FLYWCH1: variants seen among roughly 807,000 people sequenced by gnomAD.
FLYWCH1 encodes the protein FLYWCH-type zinc finger-containing protein 1.
FLYWCH1 carries 75 observed loss-of-function variants against 66.4 expected under a neutral mutation model. That is an observed-to-expected ratio of 1.13 (90% CI 0.94 to 1.37). The LOEUF is 1.37. FLYWCH1 is among the 40% of genes most tolerant of loss of function. FLYWCH1 has a pLI of 0.00. For synonymous variants in FLYWCH1, 595 were observed against 429.9 expected (o/e 1.38, Z -4.75); for missense variants, 1,334 against 1,001.8 (o/e 1.33, Z -4.48).
At chr16:2,931,306 A>T (rs1425225190) in intron 4 of FLYWCH1, among the ~76,000 whole-genome samples, 1 of 26,430 alleles carries the variant, frequency 3.8e-5, no homozygotes, top group Non-Finnish European at 7.6e-5. Flanking sequence ...CCATCTCAGT[A>T]AAAAAAAAAA....
intron 9 of FLYWCH1, 71 bp from the exon 10 acceptor site, chr16:2,948,617 T>C (rs997045285): frequency 2.6e-6 from 4 of 1,513,180 alleles, no homozygotes; most frequent in African/African-American, 2.7e-5. Flanking sequence ...CCAGGAATCC[T>C]GAACTTTCTG....
chr16:2,933,245 C>A lies in FLYWCH1; in HGVS notation c.912C>A (p.Cys304Ter). Reference protein sequence around the residue: ...KAVGDKVYWTCRDHALHGCRS... With the variant: ...KAVGDKVYWT ...TCGGGGACAAGGTGTATTGGACCTG[C>A]CGGGACCACGCGCTGCACGGCTGCC... Residue 304 changes from cysteine to a stop codon, truncating the protein, a stop_gained, in exon 5 of 10, where the codon TGC becomes TGA. Coordinates refer to ENST00000253928, the MANE Select transcript of FLYWCH1 (RefSeq NM_001308068.2). LOFTEE classifies it high-confidence loss of function. 1 of 1,613,538 alleles carries A rather than the reference C, an allele frequency of 6.2e-7. No homozygotes were observed. The highest frequency in any genetic ancestry group is 8.5e-7 in the Non-Finnish European group (1 of 1,179,806).
intron 9 of FLYWCH1, among the ~76,000 whole-genome samples, chr16:2,946,510 A>G (rs2071493364): frequency 6.6e-6 from 1 of 151,570 alleles, no homozygotes; most frequent in Admixed American, 6.6e-5. Flanking sequence ...TTTAGTAGAG[A>G]TGGGGTTTCA....
chr16:2,917,639 C>G (rs1171455433), intron 2 of FLYWCH1, among the ~76,000 whole-genome samples: 4 of 152,180 alleles, frequency 2.6e-5, no homozygotes, highest in East Asian at 3.9e-4. Flanking sequence ...CAAAGCAAAC[C>G]TCAGGTGTTG....
In FLYWCH1 at chr16:2,923,093, T is replaced by C. The variant is rs1596360687; in HGVS notation, c.-73-6520T>C. The stretch of plus-strand genomic sequence containing the variant: ...TCTATTTTTTTTATAGTTTGTTTTG[T>C]GTGTGTGGCTGTTGTGAGGTTCTTT... On this transcript the variant is annotated intron_variant, in intron 2 of 9. Coordinates refer to ENST00000253928, the MANE Select transcript of FLYWCH1 (RefSeq NM_001308068.2). 2.2e-5 allele frequency: 9 copies of C among 414,632 alleles called. No individual in the cohort carries two copies. The East Asian group carries it at 5.5e-4, about 25-fold the overall frequency. The allele number at this position is 414,632 out of a possible 1,614,324, so 25.7% of individuals were successfully genotyped here. A position where few individuals can be genotyped will look rare whatever the true frequency, so the allele number is the denominator to read the frequency against.
chr16:2,945,632 CAAAA>C (rs34393477), intron 9 of FLYWCH1, among the ~76,000 whole-genome samples: 4 of 112,216 alleles, frequency 3.6e-5, no homozygotes, highest in African/African-American at 3.0e-5. Flanking sequence ...GACTACATCT[CAAAA>C]AAAAAAAAAA....
chr16:2,946,790 G>C (rs1481660213), intron 9 of FLYWCH1, among the ~76,000 whole-genome samples: 1 of 152,228 alleles, frequency 6.6e-6, no homozygotes, highest in East Asian at 1.9e-4. Context: ...TGCAAATCAA[G>C]ACCACTGTGA....
At chr16:2,921,180 C>A (rs2070362024) in intron 2 of FLYWCH1, among the ~76,000 whole-genome samples, 1 of 152,174 alleles carries the variant, frequency 6.6e-6, no homozygotes, top group Middle Eastern at 3.2e-3. Flanking sequence ...ATATAATTTA[C>A]ATAATACCAT....
In FLYWCH1 at chr16:2,937,149, G is replaced by C. The variant is rs539931241; in HGVS notation, c.1542G>C (p.Leu514=). 15 of 1,139,530 alleles carry C rather than the reference G, an allele frequency of 1.3e-5. No individual in the cohort carries two copies. In the Admixed American group the frequency reaches 2.8e-4, roughly 21 times the overall value. The allele number at this position is 1,139,530 out of a possible 1,614,324, so 70.6% of individuals were successfully genotyped here. ...PGGPEFLKTP[L]GGSFLVYESF... ...GCCCCGAGTTCCTGAAGACGCCCCT[G>C]GGGGGCAGCTTCCTGGTGTACGAGT... The change falls in exon 7 of 10, where the codon CTG becomes CTC. Residue 514 remains leucine, a synonymous_variant. Coordinates refer to ENST00000253928, the MANE Select transcript of FLYWCH1 (RefSeq NM_001308068.2).
At chr16:2,941,995 C>CAAAAAAAA (rs748281347) in intron 9 of FLYWCH1, among the ~76,000 whole-genome samples, 1 of 33,604 alleles carries the variant, frequency 3.0e-5, no homozygotes, top group African/African-American at 7.6e-5. Flanking sequence ...AGACTCATCT[C>CAAAAAAAA]AAAAAAAAAA....
intron 8 of FLYWCH1, chr16:2,939,571 G>C (rs990012049): frequency 6.8e-6 from 1 of 146,676 alleles, no homozygotes; most frequent in African/African-American, 2.4e-5. Flanking sequence ...AAATCAGCTG[G>C]GCACAGTGGT....
intron 9 of FLYWCH1, among the ~76,000 whole-genome samples, chr16:2,942,977 C>T (rs2071335170): frequency 6.6e-6 from 1 of 152,112 alleles, no homozygotes; most frequent in South Asian, 2.1e-4. Flanking sequence ...GCTGGGATTA[C>T]AGGCATGAGC....
intron 8 of FLYWCH1, chr16:2,939,708 A>C (rs1447114091): frequency 7.0e-6 from 2 of 284,870 alleles, no homozygotes; most frequent in Non-Finnish European, 6.8e-6. Context: ...TTTACAAGAA[A>C]TTTTTTTGAG....
chr16:2,916,978 A>C (rs1466709824), intron 2 of FLYWCH1, among the ~76,000 whole-genome samples: 2 of 47,418 alleles, frequency 4.2e-5, no homozygotes, highest in South Asian at 1.0e-3. Context: ...CCCCATCTCT[A>C]GTAAAAAAAA....
rs543624270 is a variant in FLYWCH1 at position 2,930,744 on chromosome 16, C to T, written c.660C>T (p.Gly220=). 8 of 1,558,554 alleles carry T rather than the reference C, an allele frequency of 5.1e-6. No individual in the cohort carries two copies. Among genetic ancestry groups the T allele is most frequent in the African/African-American group, 4.1e-5 (3 of 73,656 alleles). Residue 220 remains glycine (G), a synonymous_variant, in exon 4 of 10, where the codon GGC becomes GGT. Transcript: ENST00000253928. ...TGGAGGAGCCCCTGGAGGGGGTGGG[C>T]CCGTGGCAGTGCCCTGAGGAGCCCG... ...GRVEEPLEGV[G]PWQCPEEPEP... is the part of the protein sequence containing the mutation.
rs1555486913 is a variant in FLYWCH1 at position 2,937,115 on chromosome 16, C to CCTCTGAG, written c.1514-6_1514-5insCTCTGAG. The CCTCTGAG allele has an allele frequency of 1.1e-4, 168 of 1,595,058 alleles. No individual in the cohort carries two copies. Among genetic ancestry groups the CCTCTGAG allele is most frequent in the Middle Eastern group, 5.6e-4 (3 of 5,330 alleles). On this transcript the variant is annotated splice_region_variant and splice_polypyrimidine_tract_variant and intron_variant, in intron 6 of 9. Coordinates refer to ENST00000253928, the MANE Select transcript of FLYWCH1 (RefSeq NM_001308068.2). The stretch of plus-strand genomic sequence containing the variant: ...CCGCTGCTCCTCCCCTCCCATTTCT[C>CCTCTGAG]AACAGGAGGCCCCGAGTTCCTGAAG...
At chr16:2,930,943 A>G (rs1262535193) in intron 4 of FLYWCH1, 63 bp downstream of exon 4, 1 of 1,279,450 alleles carries the variant, frequency 7.8e-7, no homozygotes, top group Non-Finnish European at 1.1e-6. Context: ...GCCCTTCCTC[A>G]GCCCAAATAG....
At chr16:2,931,307 A>T (rs930044976) in intron 4 of FLYWCH1, among the ~76,000 whole-genome samples, 39 of 36,750 alleles carry the variant, frequency 1.1e-3, no homozygotes, top group Admixed American at 7.1e-3. Flanking sequence ...CATCTCAGTA[A>T]AAAAAAAAAA....
Position 2,911,992 on chromosome 16 carries a change from C to G in FLYWCH1, c.-350C>G, listed in dbSNP as rs2069999797. 1 of 152,224 alleles carries G rather than the reference C, an allele frequency of 6.6e-6. No homozygotes were observed. The allele number at this position is 152,224 out of a possible 1,614,324, so 9.4% of individuals were successfully genotyped here. A position where few individuals can be genotyped will look rare whatever the true frequency, so the allele number is the denominator to read the frequency against. ...CCCGGCGGGGTCGCGCGCGCGGTCA[C>G]GGGGCTCGCTCCCGAGGGGCAGGTC... On this transcript the variant is annotated 5_prime_UTR_variant, in exon 1 of 10. Coordinates refer to ENST00000253928, the MANE Select transcript of FLYWCH1 (RefSeq NM_001308068.2).
Sources: allele counts gnomAD v4.1 joint callset (sites outside exome capture counted in the v4.1 genomes callset), GRCh38; gene constraint gnomAD v4.1.1; transcripts MANE v1.5; gene names NCBI Gene and HGNC (gene_info 2026-07-23, HGNC 2026-07-21).